The following DHRS2 variants were observed in gnomAD, a reference collection of about 807,000 sequenced individuals.
The protein encoded by DHRS2 is dehydrogenase/reductase SDR family member 2, mitochondrial.
In DHRS2, 29 loss-of-function variants were observed where a neutral mutation model predicts 26.3. That is an observed-to-expected ratio of 1.10 (90% CI 0.82 to 1.50). The LOEUF (loss-of-function observed/expected upper bound fraction) is 1.50, where lower values mean the gene tolerates loss of function less well. Ranked by LOEUF, DHRS2 falls within the 40% of genes most tolerant of loss-of-function variation. The pLI is 0.00. For synonymous variants in DHRS2, 164 were observed against 151.3 expected, an observed-to-expected ratio of 1.08 and a Z score of -0.62; for missense variants, 439 against 367.1, an observed-to-expected ratio of 1.20 and a Z score of -1.60.
At position 23,639,823 on chromosome 14, in the gene DHRS2, C is replaced by T; in HGVS notation, c.348C>T (p.Phe116=). 6.2e-7 allele frequency: 1 copy of T among 1,610,268 alleles called. No individual in the cohort carries two copies. The highest frequency in any genetic ancestry group is 1.1e-5 in the South Asian group (1 of 90,558). ...TGGAGCACTGTGGGGGCGTCGACTT[C>T]CTGGTGTGCAGCGCAGGGGTCAACC... is the stretch of plus-strand genomic sequence containing the variant. ...KALEHCGGVD[F]LVCSAGVNPL... The change falls in exon 4 of 9, where the codon TTC becomes TTT. Residue 116 remains phenylalanine (F), a synonymous_variant. Coordinates refer to ENST00000250383, the MANE Select transcript of DHRS2 (RefSeq NM_005794.4).
Position 23,639,779 on chromosome 14 carries a change from A to G in DHRS2, c.319-15A>G, listed in dbSNP as rs372375415. On this transcript the variant is annotated splice_polypyrimidine_tract_variant and intron_variant, in intron 3 of 8. Transcript: ENST00000250383. ...CTCAGGCCATCTCCACACTCATCCA[A>G]TCTCCTCTCCGCAGGCCCTGGAGCA... 2.3e-5 allele frequency: 37 copies of G among 1,593,756 alleles called. No homozygotes were observed. The highest frequency in any genetic ancestry group is 1.6e-4 in the African/African-American group (12 of 73,786).
rs1006451623 is a variant in DHRS2 at position 23,636,655 on chromosome 14, G to A, written c.-156G>A. 6.6e-6 allele frequency: 1 copy of A among 152,160 alleles called. No individual in the cohort carries two copies. Among genetic ancestry groups the A allele is most frequent in the Non-Finnish European group, 1.5e-5 (1 of 68,068 alleles). The allele number at this position is 152,160 out of a possible 1,614,324, so 9.4% of individuals were successfully genotyped here. ...ACCCATCAATTCCGTACACATTTTGGTGACTTTGAAGAGACTGTCACCTAT... is the reference window on the plus strand; with the variant it reads ...ACCCATCAATTCCGTACACATTTTGATGACTTTGAAGAGACTGTCACCTAT... On this transcript the variant is annotated 5_prime_UTR_variant, in exon 1 of 9. The change creates a new upstream start codon in the 5' untranslated region. Coordinates refer to ENST00000250383, the MANE Select transcript of DHRS2 (RefSeq NM_005794.4).
upstream of DHRS2, among the ~76,000 whole-genome samples, chr14:23,634,010 A>G (rs559288491): frequency 3.3e-5 from 5 of 150,586 alleles, 1 homozygote; most frequent in South Asian, 1.1e-3. Flanking sequence ...TCACTTGCTT[A>G]TCAAATACAA....
Position 23,638,990 on chromosome 14 carries a change from G to A in DHRS2, c.126G>A (p.Thr42=), listed in dbSNP as rs372558157. Residue 42 remains threonine (T), a synonymous_variant, in exon 2 of 9, where the codon ACG becomes ACA. Transcript: ENST00000250383. The part of the protein sequence containing the change: ...GVLANRVAVV[T]GSTSGIGFAI... ...TGGCTAACCGGGTAGCCGTGGTCACGGGGTCCACCAGTGGGTGAGTGCTGG... is the reference window on the plus strand; with the variant it reads ...TGGCTAACCGGGTAGCCGTGGTCACAGGGTCCACCAGTGGGTGAGTGCTGG... The A allele has an allele frequency of 2.0e-5, 33 of 1,613,200 alleles. No individual in the cohort carries two copies. The highest frequency in any genetic ancestry group is 2.7e-5 in the African/African-American group (2 of 74,902).
chr14:23,637,842 GGACCAATCAGCTCTCTATAAAACA>G (rs1056779261), intron 1 of DHRS2, among the ~76,000 whole-genome samples: 6 of 152,188 alleles, frequency 3.9e-5, no homozygotes, highest in Admixed American at 1.3e-4. Context: ...CTGTCAAAAT[GGACCAATCAGCTCTCTATAAAACA>G]GACCAATCAG....
chr14:23,633,316 T>C (rs1012879680), upstream of DHRS2, among the ~76,000 whole-genome samples: 1 of 152,172 alleles, frequency 6.6e-6, no homozygotes, highest in African/African-American at 2.4e-5. Context: ...CGGACATCCC[T>C]TCAGAGAGCT....
At position 23,644,611 on chromosome 14, in the gene DHRS2, A is replaced by T. The variant is rs915219842; in HGVS notation, c.675+68A>T. 2.1e-5 allele frequency: 33 copies of T among 1,609,256 alleles called. No individual in the cohort carries two copies. In the African/African-American group the frequency reaches 4.1e-4, roughly 20 times the overall value. On this transcript the variant is annotated intron_variant, in intron 7 of 8. Transcript: ENST00000250383. ...GGGAACCCTTCCCAGTGAATAAGGG[A>T]TCAAGGGGTGACTGAATCCTTAGGT...
chr14:23,637,680 A>G (rs971633422), intron 1 of DHRS2, among the ~76,000 whole-genome samples: 2 of 152,130 alleles, frequency 1.3e-5, no homozygotes, highest in Middle Eastern at 3.2e-3. Context: ...GGTCCTCCTC[A>G]TGGTCTAGGA....
intron 3 of DHRS2, 82 bp downstream of exon 3, chr14:23,639,438 T>C: frequency 6.9e-7 from 1 of 1,453,560 alleles, no homozygotes; most frequent in Non-Finnish European, 9.1e-7. Context: ...GTGGGGTGGG[T>C]CTAGAATATG....
intron 6 of DHRS2, 55 bp from the exon 7 acceptor site, chr14:23,644,354 T>C: frequency 2.5e-6 from 4 of 1,607,516 alleles, no homozygotes; most frequent in Non-Finnish European, 3.4e-6. Flanking sequence ...GAAATCCAAC[T>C]GATGCTTTCC....
intron 4 of DHRS2, 139 bp from the exon 5 acceptor site, chr14:23,643,013 C>A: frequency 1.2e-6 from 1 of 801,322 alleles, no homozygotes; most frequent in Non-Finnish European, 2.1e-6. Flanking sequence ...TTGCACCAGT[C>A]AGAAGGGGGA....
Position 23,643,772 on chromosome 14 carries a change from A to G in DHRS2, c.489-339A>G, listed in dbSNP as rs185328861. 93 of 382,178 alleles carry G rather than the reference A, an allele frequency of 2.4e-4. 2 individuals are homozygous for G. In the Admixed American group the frequency reaches 3.3e-3, roughly 14 times the overall value. 23.7% of individuals were successfully genotyped at this position (382,178 alleles called of 1,614,324 possible). A position where few individuals can be genotyped will look rare whatever the true frequency, so the allele number is the denominator to read the frequency against. Reference sequence around the variant, plus strand: ...CTCCCTTACCCCATCTGCTCCTTAGAGGTTGCTCATTGATAGGCACTCACC... The same window carrying G: ...CTCCCTTACCCCATCTGCTCCTTAGGGGTTGCTCATTGATAGGCACTCACC... On this transcript the variant is annotated intron_variant, in intron 5 of 8. Coordinates refer to ENST00000250383, the MANE Select transcript of DHRS2 (RefSeq NM_005794.4).
intron 4 of DHRS2, chr14:23,641,732 C>A: frequency 7.8e-7 from 1 of 1,289,816 alleles, no homozygotes; most frequent in Non-Finnish European, 1.0e-6. Flanking sequence ...GGTCATCCCC[C>A]ACACTGGTAA....
In DHRS2 at chr14:23,640,060, G is replaced by A. The variant is rs1448782189; in HGVS notation, c.420+165G>A. On this transcript the variant is annotated intron_variant, in intron 4 of 8. Transcript: ENST00000250383. ...GCCAGCTGTCTCCCAAAATGTGCCC[G>A]GATGCTACTTTCTGGCTTGTTGGTT... 5.4e-5 allele frequency: 38 copies of A among 705,036 alleles called. No homozygotes were observed. The Middle Eastern group carries it at 1.4e-3, about 25-fold the overall frequency. 43.7% of individuals were successfully genotyped at this position (705,036 alleles called of 1,614,324 possible). A position where few individuals can be genotyped will look rare whatever the true frequency, so the allele number is the denominator to read the frequency against.
chr14:23,634,823 C>T (rs538458019), upstream of DHRS2, among the ~76,000 whole-genome samples: 24 of 152,178 alleles, frequency 1.6e-4, no homozygotes, highest in African/African-American at 4.8e-4. Flanking sequence ...GGCAGATTTC[C>T]CCCTTGCTGC....
Position 23,644,416 on chromosome 14 carries a change from G to C in DHRS2, c.548G>C (p.Gly183Ala). 2 of 1,614,124 alleles carry C rather than the reference G, an allele frequency of 1.2e-6. No individual in the cohort carries two copies. Among genetic ancestry groups the C allele is most frequent in the Non-Finnish European group, 1.7e-6 (2 of 1,180,026 alleles). ...IAAYNPVVALGVYNVSKTALL... is the reference protein window; with the variant it reads ...IAAYNPVVALAVYNVSKTALL... The stretch of plus-strand genomic sequence containing the variant: ...TGTCAATTCCCTTCCCAGGCGCTGG[G>C]TGTCTACAATGTCAGCAAGACAGCG... The change falls in exon 7 of 9, where the codon GGT becomes GCT. Residue 183 changes from glycine (G) to alanine (A), a missense_variant. Gly to Ala is a moderately conservative substitution (Grantham distance 60). Transcript: ENST00000250383.
In DHRS2 at chr14:23,638,180, TCA is replaced by T. The variant is rs1890433147; in HGVS notation, c.-38-645_-38-644del. The T allele has an allele frequency of 2.0e-5, 3 of 153,590 alleles. No homozygotes were observed. The Admixed American group carries it at 2.0e-4, about 10-fold the overall frequency. The allele number at this position is 153,590 out of a possible 1,614,324, so 9.5% of individuals were successfully genotyped here. A position where few individuals can be genotyped will look rare whatever the true frequency, so the allele number is the denominator to read the frequency against. ...GCACTGCCTTTAAGAGCTGTAACAC[TCA>T]CTGCGAAGGTCTGCAGCTTCACTCC... On this transcript the variant is annotated intron_variant, in intron 1 of 8. Transcript: ENST00000250383.
chr14:23,635,561 A>G (rs1248060996), upstream of DHRS2, among the ~76,000 whole-genome samples: 3 of 152,172 alleles, frequency 2.0e-5, no homozygotes, highest in Admixed American at 1.3e-4. Flanking sequence ...TCCCAAAGTG[A>G]TTGTACTTAC....
chr14:23,630,837 G>A (rs1890099065), intron 1 of DHRS2, among the ~76,000 whole-genome samples: 1 of 152,204 alleles, frequency 6.6e-6, no homozygotes, highest in African/African-American at 2.4e-5. Context: ...AAGATTTTCT[G>A]ATTGGCAAGT....
Sources: allele counts gnomAD v4.1 joint callset (sites outside exome capture counted in the v4.1 genomes callset), GRCh38; gene constraint gnomAD v4.1.1; transcripts MANE v1.5; gene names NCBI Gene and HGNC (gene_info 2026-07-23, HGNC 2026-07-21).